The following XIRP2 variants were observed in gnomAD, a reference collection of about 807,000 sequenced individuals.
XIRP2 encodes xin actin binding repeat containing 2.
A neutral mutation model predicts 277.0 loss-of-function variants in XIRP2; 236 were observed. The ratio of observed to expected loss-of-function variants is 0.85; its 90% CI spans 0.77 to 0.95. XIRP2 has a LOEUF of 0.95. XIRP2 is among the 40% of genes least tolerant of loss of function. The pLI is 0.00. For missense variants in XIRP2, 4,640 were observed against 4,157.5 expected, an observed-to-expected ratio of 1.12 and a Z score of -3.19; for synonymous variants, 1,490 against 1,416.5, an observed-to-expected ratio of 1.05 and a Z score of -1.17.
In XIRP2 at chr2:167,244,475, A is replaced by C. The variant is rs750338580; in HGVS notation, c.3083A>C (p.Gln1028Pro). Reference protein sequence around the residue: ...RWLFETRPIDQFDESIHKFQI... With the variant: ...RWLFETRPIDPFDESIHKFQI... ...CTTTTTGAAACAAGGCCCATTGACC[A>C]GTTTGATGAAAGCATTCATAAATTT... Residue 1028 changes from glutamine (Q) to proline (P), a missense_variant, in exon 9 of 11, where the codon CAG becomes CCG. Transcript: ENST00000409195. The C allele has an allele frequency of 6.2e-7, 1 of 1,613,878 alleles. No homozygotes were observed. The highest frequency in any genetic ancestry group is 1.1e-5 in the South Asian group (1 of 91,078).
chr2:167,192,222 T>C (rs867811694), intron 3 of XIRP2, among the ~76,000 whole-genome samples: 1 of 152,218 alleles, frequency 6.6e-6, no homozygotes, highest in African/African-American at 2.4e-5. Context: ...TTGAAATCAA[T>C]TGTAAATAGA....
At chr2:166,974,169 C>T (rs1473073686) in intron 2 of XIRP2, among the ~76,000 whole-genome samples, 2 of 152,108 alleles carry the variant, frequency 1.3e-5, no homozygotes, top group Non-Finnish European at 2.9e-5. Flanking sequence ...GGTCACTCCC[C>T]AGTCTGCAGC....
chr2:166,938,926 T>C (rs1232453657), intron 2 of XIRP2, among the ~76,000 whole-genome samples: 2 of 152,208 alleles, frequency 1.3e-5, no homozygotes, highest in African/African-American at 2.4e-5. Flanking sequence ...CCTGCCTTTT[T>C]ATGTTTTCCA....
chr2:167,055,273 G>C (rs1689013126), intron 2 of XIRP2, among the ~76,000 whole-genome samples: 1 of 152,202 alleles, frequency 6.6e-6, no homozygotes, highest in African/African-American at 2.4e-5. Context: ...AGTTAGTGGA[G>C]AGTAGGTGAA....
chr2:167,070,873 T>C (rs758783867), intron 2 of XIRP2, among the ~76,000 whole-genome samples: 14 of 152,302 alleles, frequency 9.2e-5, no homozygotes, highest in Middle Eastern at 3.4e-3. Flanking sequence ...GGAAACAACA[T>C]GTAATACTAA....
At chr2:166,967,016 C>T (rs1314625377) in intron 2 of XIRP2, among the ~76,000 whole-genome samples, 2 of 151,950 alleles carry the variant, frequency 1.3e-5, no homozygotes, top group Non-Finnish European at 2.9e-5. Flanking sequence ...AGAAGCACTG[C>T]ATCTAGTCTG....
chr2:167,076,131 AT>A (rs1285419080), intron 2 of XIRP2, among the ~76,000 whole-genome samples: 1 of 152,066 alleles, frequency 6.6e-6, no homozygotes, highest in Non-Finnish European at 1.5e-5. Flanking sequence ...ATGTTTACTG[AT>A]TATGAAAAAA....
intron 3 of XIRP2, among the ~76,000 whole-genome samples, chr2:167,185,404 TTAATG>T (rs763441387): frequency 6.6e-6 from 1 of 152,072 alleles, no homozygotes; most frequent in Non-Finnish European, 1.5e-5. Context: ...AAAATAATAT[TTAATG>T]TATATGTATT....
chr2:167,034,067 A>G (rs1226757432), intron 2 of XIRP2, among the ~76,000 whole-genome samples: 2 of 152,206 alleles, frequency 1.3e-5, no homozygotes, highest in Non-Finnish European at 2.9e-5. Flanking sequence ...TAATAACTAC[A>G]ACAATGTTTC....
At chr2:167,214,599 C>T (rs1694188563) in intron 4 of XIRP2, among the ~76,000 whole-genome samples, 1 of 151,942 alleles carries the variant, frequency 6.6e-6, no homozygotes. Context: ...CGGAGTCTTG[C>T]TCTGCTGCTC....
In XIRP2 at chr2:167,065,639, G is replaced by A. The variant is rs1689284409; in HGVS notation, c.409-70270G>A. On this transcript the variant is annotated intron_variant, in intron 2 of 10. Transcript: ENST00000409195. ...ATATCCTTTAAAAACGTTTTCAATTGAAAAAGTGTTTTTGTGTTCCTCCAC... is the reference window on the plus strand; with the variant it reads ...ATATCCTTTAAAAACGTTTTCAATTAAAAAAGTGTTTTTGTGTTCCTCCAC... Among the ~76,000 whole-genome samples the A allele has an allele frequency of 2.6e-5, 4 of 151,642 alleles. No individual in the cohort carries two copies. The South Asian group carries it at 8.3e-4, about 32-fold the overall frequency.
In XIRP2 at chr2:167,244,464, G is replaced by A. The variant is rs1169193524; in HGVS notation, c.3072G>A (p.Arg1024=). Residue 1024 remains arginine, a synonymous_variant, in exon 9 of 11, where the codon AGG becomes AGA. Coordinates refer to ENST00000409195, the MANE Select transcript of XIRP2 (RefSeq NM_152381.6). The part of the protein sequence containing the change: ...VRSCRWLFET[R]PIDQFDESIH... Reference sequence around the variant, plus strand: ...GCTGTAGGTGGCTTTTTGAAACAAGGCCCATTGACCAGTTTGATGAAAGCA... The same window carrying A: ...GCTGTAGGTGGCTTTTTGAAACAAGACCCATTGACCAGTTTGATGAAAGCA... The A allele has an allele frequency of 2.5e-6, 4 of 1,613,620 alleles. No individual in the cohort carries two copies. The highest frequency in any genetic ancestry group is 2.2e-5 in the South Asian group (2 of 91,038).
At chr2:166,977,685 A>G (rs1288706123) in intron 2 of XIRP2, among the ~76,000 whole-genome samples, 2 of 152,206 alleles carry the variant, frequency 1.3e-5, no homozygotes, top group Non-Finnish European at 2.9e-5. Context: ...GAGGCATTAG[A>G]GTTCAGGCAA....
At chr2:166,948,424 T>G (rs967742026) in intron 2 of XIRP2, among the ~76,000 whole-genome samples, 7 of 152,104 alleles carry the variant, frequency 4.6e-5, no homozygotes, top group Admixed American at 1.3e-4. Context: ...CTGGACGTTA[T>G]ACAGTTATCT....
intron 3 of XIRP2, among the ~76,000 whole-genome samples, chr2:167,175,791 A>G (rs780687614): frequency 6.6e-6 from 1 of 152,046 alleles, no homozygotes; most frequent in Non-Finnish European, 1.5e-5. Context: ...TTTTATCTAT[A>G]AGCCCCTGAC....
At chr2:166,915,865 C>T (rs912600849) in intron 2 of XIRP2, among the ~76,000 whole-genome samples, 2 of 152,040 alleles carry the variant, frequency 1.3e-5, no homozygotes, top group African/African-American at 4.8e-5. Flanking sequence ...TATTTAGGCC[C>T]CAGACTTTTG....
intron 3 of XIRP2, among the ~76,000 whole-genome samples, chr2:167,185,505 C>CAA (rs1693129959): frequency 6.6e-6 from 1 of 151,768 alleles, no homozygotes. Context: ...AGAAACATAT[C>CAA]AATAAAATGG....
intron 3 of XIRP2, among the ~76,000 whole-genome samples, chr2:167,162,415 C>T (rs1015988136): frequency 1.3e-5 from 2 of 152,180 alleles, no homozygotes; most frequent in East Asian, 1.9e-4. Flanking sequence ...GGGGAAGCCT[C>T]ACAATCATGG....
At chr2:167,212,902 C>G (rs1485489552) in intron 4 of XIRP2, among the ~76,000 whole-genome samples, 1 of 102,080 alleles carries the variant, frequency 9.8e-6, no homozygotes, top group South Asian at 4.4e-4. Context: ...CCCCCACCCC[C>G]CCACCCCTCT....
Sources: gnomAD v4.1 joint callset for allele counts (sites outside exome capture counted in the v4.1 genomes callset) on GRCh38, gnomAD v4.1.1 for gene constraint, MANE v1.5 for transcripts, NCBI Gene and HGNC (gene_info 2026-07-23, HGNC 2026-07-21) for gene names.